SEC63: variants seen among roughly 807,000 people sequenced by gnomAD.
SEC63 encodes translocation protein SEC63 homolog.
Under a neutral mutation model 116.2 loss-of-function variants are expected in SEC63, and 56 were observed. The observed-to-expected ratio is 0.48, with a 90% CI of 0.39 to 0.60. The LOEUF is 0.60. Among genes scored for constraint, SEC63 ranks in the 20% least tolerant of loss-of-function variants. SEC63 has a pLI of 0.00. For missense variants in SEC63, 668 were observed against 900.0 expected (o/e 0.74, Z 3.30); for synonymous variants, 273 against 294.6 (o/e 0.93, Z 0.75).
intron 16 of SEC63, among the ~76,000 whole-genome samples, chr6:107,891,963 G>A (rs1311943106): frequency 3.3e-5 from 5 of 152,226 alleles, no homozygotes; most frequent in African/African-American, 1.2e-4. Flanking sequence ...CCAGATGCCA[G>A]CCAGAGCTCT....
Position 107,869,631 on chromosome 6 carries a change from A to C in SEC63, c.*2073T>G, listed in dbSNP as rs1453487265. On this transcript the variant is annotated 3_prime_UTR_variant, in exon 21 of 21. Transcript: ENST00000369002. ...GAGAAGAACTATCAACTGAAGGCTCAGTTCTTTCACTACTGCCATATGGAA... is the reference window on the plus strand; with the variant it reads ...GAGAAGAACTATCAACTGAAGGCTCCGTTCTTTCACTACTGCCATATGGAA... The C allele has an allele frequency of 1.3e-5, 2 of 152,208 alleles. No homozygotes were observed. The highest frequency in any genetic ancestry group is 2.4e-5 in the African/African-American group (1 of 41,450). The allele number at this position is 152,208 out of a possible 1,614,324, so 9.4% of individuals were successfully genotyped here.
chr6:107,953,979 A>G (rs1027271178), intron 1 of SEC63, among the ~76,000 whole-genome samples: 1 of 152,168 alleles, frequency 6.6e-6, no homozygotes, highest in African/African-American at 2.4e-5. Context: ...CCAACAGCTC[A>G]TTGAGAACGG....
intron 19 of SEC63, among the ~76,000 whole-genome samples, chr6:107,874,598 A>AG (rs1786215691): frequency 6.7e-6 from 1 of 149,856 alleles, no homozygotes; most frequent in Admixed American, 6.6e-5. Flanking sequence ...TCTGTCTCAA[A>AG]AAAAAAAAAA....
chr6:107,924,935 G>C lies in SEC63; in HGVS notation c.225-3C>G. 6.6e-7 allele frequency: 1 copy of C among 1,526,416 alleles called. No individual in the cohort carries two copies. Among genetic ancestry groups the C allele is most frequent in the Non-Finnish European group, 9.1e-7 (1 of 1,100,692 alleles). The allele number at this position is 1,526,416 out of a possible 1,614,324, so 94.6% of individuals were successfully genotyped here. ...ATCCTGCAAGCAGAACTATTTTCCTGTTTAGGAAAAAGGTAAGTGAATCAT... is the reference window on the plus strand; with the variant it reads ...ATCCTGCAAGCAGAACTATTTTCCTCTTTAGGAAAAAGGTAAGTGAATCAT... On this transcript the variant is annotated splice_region_variant and splice_polypyrimidine_tract_variant and intron_variant, in intron 2 of 20. Coordinates refer to ENST00000369002, the MANE Select transcript of SEC63 (RefSeq NM_007214.5).
chr6:107,873,698 T>C (rs1786187668), intron 19 of SEC63, among the ~76,000 whole-genome samples: 1 of 152,088 alleles, frequency 6.6e-6, no homozygotes, highest in Non-Finnish European at 1.5e-5. Context: ...AATAGGTATT[T>C]ATATTTCTAT....
intron 16 of SEC63, among the ~76,000 whole-genome samples, chr6:107,889,039 G>A (rs996590849): frequency 6.6e-6 from 1 of 152,114 alleles, no homozygotes. Flanking sequence ...AGGGATATTC[G>A]CCTGAAATTT....
At chr6:107,948,694 C>A (rs935463295) in intron 1 of SEC63, among the ~76,000 whole-genome samples, 2 of 152,128 alleles carry the variant, frequency 1.3e-5, no homozygotes, top group East Asian at 3.9e-4. Context: ...TTCCTCCCTG[C>A]CCTCCTGATG....
At position 107,920,511 on chromosome 6, in the gene SEC63, G is replaced by A. The variant is rs994105074; in HGVS notation, c.452+1286C>T. ...GTAGTATAAACAACTTTTATATGCA[G>A]TAGGAAACAAAAAAATTTGTGACTC... On this transcript the variant is annotated intron_variant, in intron 4 of 20. Coordinates refer to ENST00000369002, the MANE Select transcript of SEC63 (RefSeq NM_007214.5). Among the ~76,000 whole-genome samples the A allele has an allele frequency of 5.3e-5, 8 of 149,558 alleles. 1 individual carries two copies. The highest frequency in any genetic ancestry group is 2.0e-4 in the African/African-American group (8 of 40,986).
intron 2 of SEC63, among the ~76,000 whole-genome samples, chr6:107,928,430 A>G (rs1189715176): frequency 6.6e-6 from 1 of 151,898 alleles, no homozygotes; most frequent in Admixed American, 6.6e-5. Context: ...CTGAGGCTGC[A>G]GTGAGCCAAG....
chr6:107,949,444 C>T (rs965882322), intron 1 of SEC63, among the ~76,000 whole-genome samples: 3 of 151,672 alleles, frequency 2.0e-5, no homozygotes, highest in African/African-American at 7.3e-5. Flanking sequence ...TTGAGACAAG[C>T]TTGAGCAACA....
At chr6:107,903,443 G>A (rs1007455226) in intron 11 of SEC63, among the ~76,000 whole-genome samples, 1 of 151,654 alleles carries the variant, frequency 6.6e-6, no homozygotes, top group Non-Finnish European at 1.5e-5. Flanking sequence ...GCTCATGACT[G>A]TAATCCCAGG....
intron 19 of SEC63, among the ~76,000 whole-genome samples, chr6:107,874,097 A>T (rs181743350): frequency 6.6e-6 from 1 of 152,288 alleles, no homozygotes; most frequent in Non-Finnish European, 1.5e-5. Flanking sequence ...TAACTAAATG[A>T]GCAACCTTAA....
intron 1 of SEC63, among the ~76,000 whole-genome samples, chr6:107,935,348 AG>A (rs955247293): frequency 2.0e-5 from 3 of 151,672 alleles, no homozygotes; most frequent in Admixed American, 1.3e-4. Context: ...TGGAATAGAA[AG>A]GGGGGAAAGG....
chr6:107,880,798 A>C (rs140823947), intron 18 of SEC63, among the ~76,000 whole-genome samples: 1 of 152,226 alleles, frequency 6.6e-6, no homozygotes, highest in South Asian at 2.1e-4. Flanking sequence ...TGAGAGATTC[A>C]TAATAGTTAA....
At chr6:107,951,776 GATCAAGACC>G (rs1180059296) in intron 1 of SEC63, among the ~76,000 whole-genome samples, 1 of 151,960 alleles carries the variant, frequency 6.6e-6, no homozygotes, top group African/African-American at 2.4e-5. Context: ...GAGGTCAGGA[GATCAAGACC>G]ATCCTGGCTA....
chr6:107,949,496 A>G, intron 1 of SEC63, among the ~76,000 whole-genome samples: 1 of 152,312 alleles, frequency 6.6e-6, no homozygotes, highest in East Asian at 1.9e-4. Flanking sequence ...ATAAAATAAA[A>G]ATTAGAAAAT....
rs147448719 is a variant in SEC63, at chr6:107,924,240, G to A, written c.339+578C>T. ...CGTCGTGCCACTGCACTCCAGCCTG[G>A]GCAACAGAGCAAAACTCCGTCTCAA... On this transcript the variant is annotated intron_variant, in intron 3 of 20. Transcript: ENST00000369002. Among the ~76,000 whole-genome samples the A allele has an allele frequency of 4.1e-3, 607 of 149,338 alleles. 8 individuals carry two copies. The highest frequency in any genetic ancestry group is 0.014 in the African/African-American group (585 of 40,508).
intron 1 of SEC63, among the ~76,000 whole-genome samples, chr6:107,938,039 T>G (rs944740163): frequency 6.6e-6 from 1 of 152,128 alleles, no homozygotes; most frequent in African/African-American, 2.4e-5. Flanking sequence ...TTTAATTAGA[T>G]CCATTTGTCA....
chr6:107,901,301 T>C, intron 13 of SEC63, 69 bp downstream of exon 13: 7 of 1,450,356 alleles, frequency 4.8e-6, no homozygotes, highest in Admixed American at 1.7e-5. Context: ...TTGAGAATCC[T>C]GAGTCAAATA....
Sources: allele counts gnomAD v4.1 joint callset (sites outside exome capture counted in the v4.1 genomes callset), GRCh38; gene constraint gnomAD v4.1.1; transcripts MANE v1.5; gene names NCBI Gene and HGNC (gene_info 2026-07-23, HGNC 2026-07-21).